Variants in DLG2 observed in about 807,000 individuals in gnomAD.
DLG2 encodes disks large homolog 2.
A neutral mutation model predicts 132.5 loss-of-function variants in DLG2; 45 were observed. The ratio of observed to expected loss-of-function variants is 0.34; its 90% confidence interval spans 0.27 to 0.44. The LOEUF is 0.44. Among genes scored for constraint, DLG2 ranks in the 20% least tolerant of loss-of-function variants. DLG2 has a pLI of 1.00. For missense variants in DLG2, 1,045 were observed against 1,196.9 expected, an observed-to-expected ratio of 0.87 and a Z score of 1.87; for synonymous variants, 424 against 419.6, an observed-to-expected ratio of 1.01 and a Z score of -0.13.
At chr11:83,518,770 T>A (rs557373128) in intron 21 of DLG2, among the ~76,000 whole-genome samples, 1 of 152,270 alleles carries the variant, frequency 6.6e-6, no homozygotes, top group African/African-American at 2.4e-5. Context: ...AGCATATATA[T>A]ATGTATATAT....
intron 14 of DLG2, among the ~76,000 whole-genome samples, chr11:83,930,813 C>T (rs549860107): frequency 6.3e-4 from 96 of 152,126 alleles, no homozygotes; most frequent in Non-Finnish European, 1.2e-3. Flanking sequence ...CCATTTCCTC[C>T]GTTTACTTAC....
chr11:84,041,736 T>C (rs1178178143), intron 11 of DLG2, among the ~76,000 whole-genome samples: 1 of 151,968 alleles, frequency 6.6e-6, no homozygotes, highest in Admixed American at 6.6e-5. Flanking sequence ...TATTTAAATA[T>C]AGAAATGTTT....
intron 3 of DLG2, among the ~76,000 whole-genome samples, chr11:85,342,678 A>G (rs1309738599): frequency 6.6e-6 from 1 of 152,226 alleles, no homozygotes; most frequent in African/African-American, 2.4e-5. Flanking sequence ...CTAGACTTTT[A>G]TACAACTGGC....
At chr11:84,726,088 A>G (rs2062415703) in intron 6 of DLG2, among the ~76,000 whole-genome samples, 1 of 151,960 alleles carries the variant, frequency 6.6e-6, no homozygotes, top group African/African-American at 2.4e-5. Context: ...GTTCCCCCAT[A>G]ATTGTCAACC....
chr11:84,980,873 T>C (rs2154119456), intron 6 of DLG2, among the ~76,000 whole-genome samples: 1 of 152,320 alleles, frequency 6.6e-6, no homozygotes, highest in East Asian at 1.9e-4. Context: ...TTCCTCACTT[T>C]GGTACATAGC....
chr11:85,251,480 TA>T (rs1265976427), intron 4 of DLG2, among the ~76,000 whole-genome samples: 1 of 152,232 alleles, frequency 6.6e-6, no homozygotes, highest in Non-Finnish European at 1.5e-5. Flanking sequence ...ATGTCTCTAA[TA>T]ATGCATACGT....
At chr11:84,240,040 G>T (rs1178355917) in intron 8 of DLG2, among the ~76,000 whole-genome samples, 1 of 152,136 alleles carries the variant, frequency 6.6e-6, no homozygotes. Flanking sequence ...TTGCATCTAG[G>T]AATGGCTTTG....
At chr11:85,402,741 AT>A (rs1164451016) in intron 3 of DLG2, among the ~76,000 whole-genome samples, 1 of 152,234 alleles carries the variant, frequency 6.6e-6, no homozygotes, top group Non-Finnish European at 1.5e-5. Flanking sequence ...ATATGAAAAA[AT>A]GCTCATCACC....
At chr11:84,618,946 G>C (rs1279359495) in intron 6 of DLG2, among the ~76,000 whole-genome samples, 1 of 152,020 alleles carries the variant, frequency 6.6e-6, no homozygotes, top group East Asian at 1.9e-4. Flanking sequence ...GAAGGCGATT[G>C]TAAACAGACC....
chr11:83,884,646 A>C (rs2067292151), intron 15 of DLG2, among the ~76,000 whole-genome samples: 1 of 152,204 alleles, frequency 6.6e-6, no homozygotes, highest in African/African-American at 2.4e-5. Flanking sequence ...TGCCTCCTCA[A>C]GTGGGTCCCT....
At chr11:83,696,854 A>C (rs1283616125) in intron 18 of DLG2, among the ~76,000 whole-genome samples, 2 of 152,234 alleles carry the variant, frequency 1.3e-5, no homozygotes, top group African/African-American at 2.4e-5. Flanking sequence ...GGAGAGTTGC[A>C]AAGCACTATG....
intron 11 of DLG2, 120 bp downstream of exon 11, chr11:84,059,195 A>T: frequency 1.1e-6 from 1 of 948,832 alleles, no homozygotes; most frequent in Non-Finnish European, 1.6e-6. Flanking sequence ...GTAGGATTTT[A>T]AATCTCTTGG....
At chr11:85,141,679 T>G (rs2076489514) in intron 5 of DLG2, among the ~76,000 whole-genome samples, 1 of 151,892 alleles carries the variant, frequency 6.6e-6, no homozygotes, top group African/African-American at 2.4e-5. Context: ...AGTAGTTTCA[T>G]AGTTTCAGGT....
intron 6 of DLG2, among the ~76,000 whole-genome samples, chr11:84,943,303 T>G (rs1179289601): frequency 6.6e-6 from 1 of 151,996 alleles, no homozygotes; most frequent in Non-Finnish European, 1.5e-5. Flanking sequence ...ATTTGTTATT[T>G]GTTTTTTGGT....
chr11:84,113,766 T>C (rs2154194790), intron 9 of DLG2, among the ~76,000 whole-genome samples: 1 of 152,320 alleles, frequency 6.6e-6, no homozygotes, highest in South Asian at 2.1e-4. Flanking sequence ...AAAAGGTTCA[T>C]TTAAAGTGCA....
chr11:84,224,959 T>C (rs773852129), intron 8 of DLG2, among the ~76,000 whole-genome samples: 4 of 152,228 alleles, frequency 2.6e-5, no homozygotes, highest in African/African-American at 7.2e-5. Flanking sequence ...AAATTTAGTT[T>C]ACAAAGATGA....
At chr11:84,691,493 T>C (rs896363454) in intron 6 of DLG2, among the ~76,000 whole-genome samples, 1 of 151,876 alleles carries the variant, frequency 6.6e-6, no homozygotes, top group African/African-American at 2.4e-5. Context: ...AAGCATTTTA[T>C]ATACACTTAT....
chr11:83,512,672 T>A (rs1302799873), intron 21 of DLG2, among the ~76,000 whole-genome samples: 2 of 152,074 alleles, frequency 1.3e-5, no homozygotes, highest in Admixed American at 6.6e-5. Context: ...CCTAATGCTA[T>A]CCCTCCCCCT....
At chr11:83,558,999 G>T (rs2096566929) in intron 19 of DLG2, among the ~76,000 whole-genome samples, 1 of 151,924 alleles carries the variant, frequency 6.6e-6, no homozygotes, top group Non-Finnish European at 1.5e-5. Flanking sequence ...AGGGAATGAT[G>T]AACAACATGC....
Sources: gnomAD v4.1 joint callset for allele counts (sites outside exome capture counted in the v4.1 genomes callset) on GRCh38, gnomAD v4.1.1 for gene constraint, MANE v1.5 for transcripts, NCBI Gene and HGNC (gene_info 2026-07-23, HGNC 2026-07-21) for gene names.